KIAA1549: variants seen among roughly 807,000 people sequenced by gnomAD.
KIAA1549 encodes UPF0606 protein KIAA1549.
Under a neutral mutation model 156.4 loss-of-function variants are expected in KIAA1549, and 70 were observed. The ratio of observed to expected loss-of-function variants is 0.45; its 90% CI spans 0.37 to 0.55. The LOEUF (loss-of-function observed/expected upper bound fraction) is 0.55, where lower values mean the gene tolerates loss of function less well. Among genes scored for constraint, KIAA1549 ranks in the 20% least tolerant of loss-of-function variants. KIAA1549 has a pLI of 0.00. For synonymous variants in KIAA1549, 1,103 were observed against 1,066.4 expected (o/e 1.03, Z -0.67); for missense variants, 2,428 against 2,540.9 (o/e 0.96, Z 0.96).
intron 1 of KIAA1549, among the ~76,000 whole-genome samples, chr7:138,938,985 T>C (rs1294436996): frequency 6.6e-6 from 1 of 152,122 alleles, no homozygotes; most frequent in African/African-American, 2.4e-5. Flanking sequence ...GAGGCGGAGG[T>C]TGCAGTGAGC....
At position 138,917,677 on chromosome 7, in the gene KIAA1549, A is replaced by G. The variant is rs1364937688; in HGVS notation, c.1949T>C (p.Leu650Pro). 6.2e-7 allele frequency: 1 copy of G among 1,610,840 alleles called. No individual in the cohort carries two copies. Among genetic ancestry groups the G allele is most frequent in the Non-Finnish European group, 8.5e-7 (1 of 1,178,264 alleles). ...SPSEAPASLSLMPSDLSPFTS... is the reference protein window; with the variant it reads ...SPSEAPASLSPMPSDLSPFTS... ...GAAGGGGGACAAGTCACTCGGCATCAGAGACAGAGACGCAGGTGCTTCCGA... is the reference window on the plus strand; with the variant it reads ...GAAGGGGGACAAGTCACTCGGCATCGGAGACAGAGACGCAGGTGCTTCCGA... Residue 650 changes from leucine to proline, a missense_variant, in exon 2 of 20, where the codon CTG (leucine) becomes CCG (proline). Around this residue, in one of 5 missense-constraint regions of KIAA1549, gnomAD observed 893 missense variants for 847.9 expected, o/e 1.05. Transcript: ENST00000422774.
rs1442573285 is a variant in KIAA1549, at chr7:138,831,604, T to A, written c.*6302A>T. 1 of 228,498 alleles carries A rather than the reference T, an allele frequency of 4.4e-6. No individual in the cohort carries two copies. Among genetic ancestry groups the A allele is most frequent in the African/African-American group, 2.2e-5 (1 of 45,102 alleles). The allele number at this position is 228,498 out of a possible 1,614,324, so 14.2% of individuals were successfully genotyped here. On this transcript the variant is annotated 3_prime_UTR_variant, in exon 20 of 20. Transcript: ENST00000422774. ...ACCCATACTGAGATTTCAGTGCCTG[T>A]TTGAGGACCAGCAAACCATGATTGT...
At chr7:138,876,685 C>A (rs1004172780) in intron 12 of KIAA1549, among the ~76,000 whole-genome samples, 2 of 152,302 alleles carry the variant, frequency 1.3e-5, no homozygotes, top group South Asian at 4.1e-4. Flanking sequence ...AGAAAAACTA[C>A]AATTATGCAC....
At position 138,871,379 on chromosome 7, in the gene KIAA1549, A is replaced by C. The variant is rs1810933901; in HGVS notation, c.4346-17T>G. On this transcript the variant is annotated splice_polypyrimidine_tract_variant and intron_variant, in intron 12 of 19. Coordinates refer to ENST00000422774, the MANE Select transcript of KIAA1549 (RefSeq NM_001164665.2). Reference sequence around the variant, plus strand: ...GTGGTGGCCCTGGAACAGAAGGAAAAGCAAAACACATACACGAAGTCATCT... The same window carrying C: ...GTGGTGGCCCTGGAACAGAAGGAAACGCAAAACACATACACGAAGTCATCT... The C allele has an allele frequency of 2.7e-6, 4 of 1,499,092 alleles. No homozygotes were observed. In the African/African-American group the frequency reaches 4.3e-5, roughly 16 times the overall value. 92.9% of individuals were successfully genotyped at this position (1,499,092 alleles called of 1,614,324 possible).
intron 1 of KIAA1549, among the ~76,000 whole-genome samples, chr7:138,925,708 T>A (rs1812693272): frequency 6.6e-6 from 1 of 151,544 alleles, no homozygotes; most frequent in African/African-American, 2.4e-5. Context: ...CGACCACCTG[T>A]AGTCCCAGCT....
chr7:138,980,907 TC>T (rs1200202077), intron 1 of KIAA1549, among the ~76,000 whole-genome samples, 175 bp downstream of exon 1: 1 of 152,164 alleles, frequency 6.6e-6, no homozygotes, highest in Non-Finnish European at 1.5e-5. Flanking sequence ...ATTATTTATT[TC>T]CCCCGTGCCT....
intron 16 of KIAA1549, among the ~76,000 whole-genome samples, chr7:138,859,777 T>C (rs975069215): frequency 6.6e-6 from 1 of 152,194 alleles, no homozygotes; most frequent in Non-Finnish European, 1.5e-5. Flanking sequence ...CCTTCCAGTG[T>C]TTTCAGTTGT....
At chr7:138,886,325 A>C (rs900281439) in intron 10 of KIAA1549, among the ~76,000 whole-genome samples, 5 of 152,104 alleles carry the variant, frequency 3.3e-5, no homozygotes, top group African/African-American at 1.2e-4. Context: ...CCCAGGCTGG[A>C]GTGCAGTAGC....
chr7:138,938,445 T>C (rs1271714755), intron 1 of KIAA1549, among the ~76,000 whole-genome samples: 3 of 131,722 alleles, frequency 2.3e-5, no homozygotes, highest in African/African-American at 8.8e-5. Flanking sequence ...CCAAACCCCC[T>C]GTTCTGCCTG....
intron 10 of KIAA1549, among the ~76,000 whole-genome samples, chr7:138,892,833 T>C (rs886452958): frequency 6.6e-6 from 1 of 152,252 alleles, no homozygotes; most frequent in African/African-American, 2.4e-5. Flanking sequence ...AAATAAAGTT[T>C]AAAAATAAAT....
rs35208896 is a variant in KIAA1549, at chr7:138,840,935, C to T, written c.5453-657G>A. On this transcript the variant is annotated intron_variant, in intron 18 of 19. Transcript: ENST00000422774. ...AAGGACAAGGGATCATGACTTGGTA[C>T]CAGTTCTATCTCCAGAAATGGCATT... Among the ~76,000 whole-genome samples, 286 of 152,318 alleles carry T rather than the reference C, an allele frequency of 1.9e-3. 1 individual carries two copies. Among genetic ancestry groups the T allele is most frequent in the Middle Eastern group, 0.014 (4 of 294 alleles).
intron 1 of KIAA1549, among the ~76,000 whole-genome samples, chr7:138,934,110 G>A (rs1331155328): frequency 6.6e-6 from 1 of 152,168 alleles, no homozygotes; most frequent in African/African-American, 2.4e-5. Context: ...ACCGAAGGGT[G>A]ACTCAAATGA....
chr7:138,944,350 C>T (rs1216403103), intron 1 of KIAA1549, among the ~76,000 whole-genome samples: 1 of 152,036 alleles, frequency 6.6e-6, no homozygotes, highest in Non-Finnish European at 1.5e-5. Context: ...ATCAAAAGCA[C>T]AATAAAATAC....
intron 1 of KIAA1549, among the ~76,000 whole-genome samples, chr7:138,932,177 TAGACAGCATGCTCTATGAAC>T (rs1229522059): frequency 6.6e-6 from 1 of 152,230 alleles, no homozygotes; most frequent in Non-Finnish European, 1.5e-5. Flanking sequence ...TTATAAAAAC[TAGACAGCATGCTCTATGAAC>T]AGTCAATTCA....
rs1810802263 is a variant in KIAA1549, at chr7:138,868,050, C to T, written c.4854G>A (p.Arg1618=). ...TGCCATCGCTGTCTGTGGTGATGAGCCGGTCCTTCTCAGCGTCGGCAGGAC... is the reference window on the plus strand; with the variant it reads ...TGCCATCGCTGTCTGTGGTGATGAGTCGGTCCTTCTCAGCGTCGGCAGGAC... ...NGCPADAEKD[R]LITTDSDGTY... Residue 1618 remains arginine (R), a synonymous_variant, in exon 15 of 20, where the codon CGG becomes CGA. Transcript: ENST00000422774. 6.2e-7 allele frequency: 1 copy of T among 1,613,890 alleles called. No individual in the cohort carries two copies. The highest frequency in any genetic ancestry group is 8.5e-7 in the Non-Finnish European group (1 of 1,179,854).
chr7:138,860,856 T>C (rs988557694), intron 16 of KIAA1549, among the ~76,000 whole-genome samples: 7 of 151,550 alleles, frequency 4.6e-5, no homozygotes, highest in Non-Finnish European at 7.3e-5. Context: ...CCCAGGAAGA[T>C]GCTTCCATAA....
chr7:138,847,658 C>A (rs1419071825), intron 17 of KIAA1549, among the ~76,000 whole-genome samples: 1 of 152,210 alleles, frequency 6.6e-6, no homozygotes, highest in Non-Finnish European at 1.5e-5. Context: ...GACAGTAATG[C>A]ACAATATTTA....
chr7:138,898,931 G>C (rs776264972), intron 9 of KIAA1549, 24 bp downstream of exon 9: 2 of 1,612,316 alleles, frequency 1.2e-6, no homozygotes, highest in Non-Finnish European at 1.7e-6. Flanking sequence ...GCACAGCACA[G>C]ACGACAACAC....
At chr7:138,949,759 A>G (rs1361076589) in intron 1 of KIAA1549, among the ~76,000 whole-genome samples, 1 of 152,204 alleles carries the variant, frequency 6.6e-6, no homozygotes, top group Non-Finnish European at 1.5e-5. Context: ...AGTGCTGAGG[A>G]CCTATGACAG....
Sources: gnomAD v4.1 joint callset for allele counts (sites outside exome capture counted in the v4.1 genomes callset) on GRCh38, gnomAD v4.1.1 for gene constraint, gnomAD v4.1.1 regional missense constraint, MANE v1.5 for transcripts, NCBI Gene and HGNC (gene_info 2026-07-23, HGNC 2026-07-21) for gene names.